The following CHODL variants were observed in gnomAD, a reference collection of about 807,000 sequenced individuals.
CHODL encodes transmembrane protein MT75.
A neutral mutation model predicts 34.5 loss-of-function variants in CHODL; 29 were observed. That is an observed-to-expected ratio of 0.84 (90% CI 0.63 to 1.15). CHODL has a LOEUF of 1.15. Among genes scored for constraint, CHODL ranks in the 50% most tolerant of loss-of-function variants. The pLI is 0.00. For synonymous variants in CHODL, 125 were observed against 116.1 expected (o/e 1.08, Z -0.49); for missense variants, 332 against 332.5 (o/e 1.00, Z 0.01).
chr21:17,921,910 A>G (rs1416116940), intron 1 of CHODL, among the ~76,000 whole-genome samples: 1 of 152,236 alleles, frequency 6.6e-6, no homozygotes, highest in Admixed American at 6.5e-5. Flanking sequence ...TTACCAAATT[A>G]TCTCAGTGAA....
intron 1 of CHODL, among the ~76,000 whole-genome samples, chr21:18,007,374 T>A (rs1206178448): frequency 6.6e-6 from 1 of 152,236 alleles, no homozygotes; most frequent in Non-Finnish European, 1.5e-5. Context: ...ATCCAATATG[T>A]ATTTACTATA....
intron 2 of CHODL, among the ~76,000 whole-genome samples, chr21:18,092,806 G>T (rs751541508): frequency 2.6e-5 from 4 of 152,138 alleles, no homozygotes; most frequent in Non-Finnish European, 5.9e-5. Flanking sequence ...AAACAGTAAA[G>T]CTCACCTGTA....
chr21:18,214,073 C>G (rs549539835), intron 2 of CHODL, among the ~76,000 whole-genome samples: 1 of 151,974 alleles, frequency 6.6e-6, no homozygotes, highest in East Asian at 1.9e-4. Context: ...TTTTTCTATC[C>G]GTAGACTCTA....
chr21:18,046,011 G>A (rs2064438450), intron 2 of CHODL, among the ~76,000 whole-genome samples: 2 of 152,036 alleles, frequency 1.3e-5, no homozygotes, highest in South Asian at 4.1e-4. Flanking sequence ...TAGGTATCTT[G>A]TTATAGAAGC....
At chr21:18,098,372 T>A (rs990191796) in intron 2 of CHODL, among the ~76,000 whole-genome samples, 8 of 151,334 alleles carry the variant, frequency 5.3e-5, no homozygotes, top group African/African-American at 9.7e-5. Flanking sequence ...GAAAAAAAAA[T>A]AATAATTCAA....
intron 1 of CHODL, among the ~76,000 whole-genome samples, chr21:17,992,382 T>C (rs1452880317): frequency 1.3e-5 from 2 of 152,222 alleles, no homozygotes; most frequent in East Asian, 3.8e-4. Context: ...ACATTGAATC[T>C]GTAGATTGCT....
At chr21:18,119,183 GAACA>G (rs1160612455) in intron 2 of CHODL, among the ~76,000 whole-genome samples, 2 of 151,862 alleles carry the variant, frequency 1.3e-5, no homozygotes, top group East Asian at 3.9e-4. Context: ...TCAACATAAG[GAACA>G]TACCCATCAT....
At chr21:18,234,542 T>C (rs2146760913) in intron 2 of CHODL, among the ~76,000 whole-genome samples, 1 of 152,252 alleles carries the variant, frequency 6.6e-6, no homozygotes, top group African/African-American at 2.4e-5. Flanking sequence ...AATGGTTCTT[T>C]GTAACATTTA....
intron 2 of CHODL, among the ~76,000 whole-genome samples, chr21:18,156,053 C>A (rs187886201): frequency 2.5e-3 from 384 of 152,300 alleles, no homozygotes; most frequent in Non-Finnish European, 4.0e-3. Flanking sequence ...ATGGGAAATT[C>A]TCTGCTGAAG....
chr21:18,212,533 G>A (rs2073784391), intron 2 of CHODL, among the ~76,000 whole-genome samples: 1 of 150,960 alleles, frequency 6.6e-6, no homozygotes, highest in Non-Finnish European at 1.5e-5. Flanking sequence ...GGCTTTGGGT[G>A]TTTTCATTGG....
chr21:18,049,157 T>C (rs2064482150), intron 2 of CHODL, among the ~76,000 whole-genome samples: 1 of 151,992 alleles, frequency 6.6e-6, no homozygotes, highest in Non-Finnish European at 1.5e-5. Context: ...TAATGGCTGA[T>C]GGTGATACAT....
chr21:18,157,024 G>T (rs1382049174), intron 2 of CHODL, among the ~76,000 whole-genome samples: 2 of 152,206 alleles, frequency 1.3e-5, no homozygotes, highest in Non-Finnish European at 2.9e-5. Context: ...AAAGTTCCAA[G>T]TTTAAGTGTT....
At chr21:18,018,001 C>G (rs1157651775) in intron 1 of CHODL, among the ~76,000 whole-genome samples, 1 of 152,228 alleles carries the variant, frequency 6.6e-6, no homozygotes, top group Non-Finnish European at 1.5e-5. Flanking sequence ...AATGGCTGCC[C>G]TGCTGGGTTT....
intron 1 of CHODL, chr21:18,245,851 A>G: frequency 1.4e-6 from 2 of 1,439,506 alleles, no homozygotes; most frequent in Non-Finnish European, 1.9e-6. Context: ...AAGTGTGGTC[A>G]TTGCGTGTAG....
At chr21:18,181,080 G>C (rs915211366) in intron 2 of CHODL, among the ~76,000 whole-genome samples, 1 of 152,146 alleles carries the variant, frequency 6.6e-6, no homozygotes, top group Non-Finnish European at 1.5e-5. Flanking sequence ...AGTACTTAGA[G>C]TACTTGTTAT....
intron 2 of CHODL, among the ~76,000 whole-genome samples, chr21:18,210,752 G>A (rs2073764428): frequency 6.6e-6 from 1 of 152,096 alleles, no homozygotes; most frequent in African/African-American, 2.4e-5. Context: ...TCCTAATCAT[G>A]AACTACTAAA....
rs752640406 is a variant in CHODL at position 18,232,941 on chromosome 21, T to TTATATATA, written c.-44-23568_-44-23567insTATATATA. ...TAATTATGGGGTCCACATGATGTTA[T>TTATATATA]GATATATATATATATATATATATAT... On this transcript the variant is annotated intron_variant, in intron 2 of 6. Coordinates refer to the CHODL transcript ENST00000400127. 8.9e-3 allele frequency among the ~76,000 whole-genome samples: 869 copies of TTATATATA among 97,534 alleles called. 33 individuals are homozygous for TTATATATA. Among genetic ancestry groups the TTATATATA allele is most frequent in the African/African-American group, 0.026 (486 of 18,766 alleles). The allele number at this position is 97,534 out of a possible 152,430, so 64.0% of individuals were successfully genotyped here. A position where few individuals can be genotyped will look rare whatever the true frequency, so the allele number is the denominator to read the frequency against.
chr21:18,134,456 C>G (rs542858261), intron 2 of CHODL: 94 of 465,006 alleles, frequency 2.0e-4, no homozygotes, highest in African/African-American at 1.8e-3. Flanking sequence ...TTCTTTGCTC[C>G]TTTCCTTCAG....
chr21:18,110,636 C>A (rs1203997592), intron 2 of CHODL, among the ~76,000 whole-genome samples: 1 of 152,088 alleles, frequency 6.6e-6, no homozygotes, highest in Non-Finnish European at 1.5e-5. Flanking sequence ...TGACAAAAAC[C>A]ACAAAATAGG....
Sources: allele counts gnomAD v4.1 joint callset (sites outside exome capture counted in the v4.1 genomes callset), GRCh38; gene constraint gnomAD v4.1.1; transcripts MANE v1.5; gene names NCBI Gene and HGNC (gene_info 2026-07-23, HGNC 2026-07-21).